Variants in GSG1L observed in about 807,000 individuals in gnomAD.
GSG1L encodes the protein GSG1 like.
A neutral mutation model predicts 42.1 loss-of-function variants in GSG1L; 24 were observed. The observed-to-expected ratio is 0.57, with a 90% CI of 0.41 to 0.80. The LOEUF (loss-of-function observed/expected upper bound fraction) is 0.80. Ranked by LOEUF, GSG1L falls within the 30% of genes least tolerant of loss-of-function variation. The pLI, the probability that GSG1L is intolerant of heterozygous loss-of-function variation, is 0.00. For missense variants in GSG1L, 445 were observed against 472.2 expected (o/e 0.94, Z 0.53); for synonymous variants, 215 against 203.5 (o/e 1.06, Z -0.48).
chr16:27,979,075 A>G (rs2085283972), intron 1 of GSG1L, among the ~76,000 whole-genome samples: 1 of 152,094 alleles, frequency 6.6e-6, no homozygotes, highest in African/African-American at 2.4e-5. Context: ...AAGTGATCTC[A>G]GGGAGTGGCT....
rs1026276341 is a variant in GSG1L at position 27,899,016 on chromosome 16, C to T, written c.398-14378G>A. 3.9e-5 allele frequency among the ~76,000 whole-genome samples: 6 copies of T among 152,270 alleles called. No individual in the cohort carries two copies. In the South Asian group the frequency reaches 1.0e-3, roughly 26 times the overall value. ...GCTACAGCCCAGGGAACCAGCTCAG[C>T]GTGCAGGCAGTGAGAGGGAAGAAAG... On this transcript the variant is annotated intron_variant, in intron 2 of 6. Transcript: ENST00000447459.
intron 2 of GSG1L, among the ~76,000 whole-genome samples, chr16:27,947,368 GAGAA>G (rs149256493): frequency 2.0e-4 from 22 of 112,706 alleles, no homozygotes; most frequent in African/African-American, 6.8e-4. Flanking sequence ...AGGAGGAGGA[GAGAA>G]AGAAAGAAAG....
At chr16:27,986,999 C>T (rs1744741473) in intron 1 of GSG1L, among the ~76,000 whole-genome samples, 1 of 151,894 alleles carries the variant, frequency 6.6e-6, no homozygotes, top group African/African-American at 2.4e-5. Context: ...GGCAGATCAC[C>T]TGAGGTCAGG....
At chr16:27,849,184 T>C (rs578132713) in intron 3 of GSG1L, among the ~76,000 whole-genome samples, 6 of 111,890 alleles carry the variant, frequency 5.4e-5, no homozygotes, top group Admixed American at 1.2e-4. Context: ...GGTGACAGAG[T>C]GAGCCTCTAT....
chr16:28,043,491 T>C (rs915992418), intron 1 of GSG1L, among the ~76,000 whole-genome samples: 1 of 152,136 alleles, frequency 6.6e-6, no homozygotes, highest in African/African-American at 2.4e-5. Context: ...ACGAGAGACA[T>C]AGAGGTCAGA....
At chr16:27,797,081 C>G (rs181240658) in intron 6 of GSG1L, among the ~76,000 whole-genome samples, 2 of 152,264 alleles carry the variant, frequency 1.3e-5, no homozygotes, top group East Asian at 3.9e-4. Context: ...ATTATTATCC[C>G]CATTTTACAG....
chr16:27,844,896 G>C, intron 4 of GSG1L, 54 bp downstream of exon 4: 1 of 650,402 alleles, frequency 1.5e-6, no homozygotes, highest in Non-Finnish European at 2.5e-6. Context: ...TGAAGTCCCA[G>C]CGTGCCTTGG....
At chr16:27,954,306 T>C (rs1400628667) in intron 2 of GSG1L, among the ~76,000 whole-genome samples, 2 of 152,162 alleles carry the variant, frequency 1.3e-5, no homozygotes, top group African/African-American at 2.4e-5. Context: ...GGCAGCAACA[T>C]TTTAAAAGCT....
At chr16:27,882,023 C>A (rs935200972) in intron 3 of GSG1L, among the ~76,000 whole-genome samples, 8 of 152,132 alleles carry the variant, frequency 5.3e-5, no homozygotes, top group African/African-American at 1.7e-4. Context: ...TGTGATTTGG[C>A]TGTGTCCCCA....
chr16:27,850,955 G>A (rs948636238), intron 3 of GSG1L, among the ~76,000 whole-genome samples: 9 of 151,888 alleles, frequency 5.9e-5, no homozygotes, highest in South Asian at 2.1e-4. Flanking sequence ...GTTAAACGCC[G>A]GGAAGGCGTT....
Position 27,979,661 on chromosome 16 carries a change from A to AAGAAAGAAAGAAAGAAAG in GSG1L, c.350-16459_350-16458insCTTTCTTTCTTTCTTTCT, listed in dbSNP as rs368394279. Among the ~76,000 whole-genome samples the AAGAAAGAAAGAAAGAAAG allele has an allele frequency of 2.2e-3, 150 of 67,700 alleles. 3 individuals are homozygous for AAGAAAGAAAGAAAGAAAG. The highest frequency in any genetic ancestry group is 0.016 in the Middle Eastern group (2 of 128). 44.4% of individuals were successfully genotyped at this position (67,700 alleles called of 152,430 possible). A position where few individuals can be genotyped will look rare whatever the true frequency, so the allele number is the denominator to read the frequency against. On this transcript the variant is annotated intron_variant, in intron 1 of 6. Coordinates refer to ENST00000447459, the MANE Select transcript of GSG1L (RefSeq NM_001109763.2). The stretch of plus-strand genomic sequence containing the variant: ...GGGAGGGGAAAGAAAGAAAGAAAGA[A>AAGAAAGAAAGAAAGAAAG]AGAGAGAGAGAGAGAGAGAAAGAAA...
chr16:27,940,856 TAATAA>T (rs373411759), intron 2 of GSG1L, among the ~76,000 whole-genome samples: 63 of 149,782 alleles, frequency 4.2e-4, no homozygotes, highest in African/African-American at 1.1e-3. Context: ...AGTATAATAA[TAATAA>T]AATAAAATAA....
intron 3 of GSG1L, among the ~76,000 whole-genome samples, chr16:27,872,240 G>A (rs552582047): frequency 7.9e-5 from 12 of 152,244 alleles, no homozygotes; most frequent in East Asian, 1.9e-4. Context: ...GAGACCATGC[G>A]TACTGAAGTT....
chr16:27,974,358 G>A (rs1248667513), intron 1 of GSG1L, among the ~76,000 whole-genome samples: 1 of 152,182 alleles, frequency 6.6e-6, no homozygotes, highest in African/African-American at 2.4e-5. Flanking sequence ...GTGCCCATGA[G>A]GCCAGAAAAC....
At chr16:28,019,948 C>T (rs1167379479) in intron 1 of GSG1L, among the ~76,000 whole-genome samples, 2 of 152,228 alleles carry the variant, frequency 1.3e-5, no homozygotes, top group African/African-American at 2.4e-5. Context: ...TCTTCATACC[C>T]TTGGCCACTT....
chr16:27,948,700 C>T (rs2141093498), intron 2 of GSG1L, among the ~76,000 whole-genome samples: 1 of 151,008 alleles, frequency 6.6e-6, no homozygotes, highest in East Asian at 1.9e-4. Flanking sequence ...AGCTTCACCT[C>T]CCAGGTTCAC....
At chr16:27,818,988 G>A (rs911441638) in intron 5 of GSG1L, among the ~76,000 whole-genome samples, 9 of 152,130 alleles carry the variant, frequency 5.9e-5, no homozygotes, top group Non-Finnish European at 1.3e-4. Context: ...GGTGGCTCAC[G>A]CCTGTAATCC....
chr16:27,958,908 C>T (rs1345728596), intron 2 of GSG1L, among the ~76,000 whole-genome samples: 2 of 152,202 alleles, frequency 1.3e-5, no homozygotes, highest in Non-Finnish European at 2.9e-5. Context: ...TTCCTGACCT[C>T]AGGTGATCTG....
intron 2 of GSG1L, among the ~76,000 whole-genome samples, chr16:27,915,236 CACA>C (rs1567517055): frequency 6.7e-5 from 10 of 148,842 alleles, no homozygotes; most frequent in East Asian, 5.8e-4. Flanking sequence ...CACACACACA[CACA>C]CCCTGTTGGT....
Sources: gnomAD v4.1 joint callset for allele counts (sites outside exome capture counted in the v4.1 genomes callset) on GRCh38, gnomAD v4.1.1 for gene constraint, MANE v1.5 for transcripts, NCBI Gene and HGNC (gene_info 2026-07-23, HGNC 2026-07-21) for gene names.